The following PHYKPL variants were observed in gnomAD, a reference collection of about 807,000 sequenced individuals.
The protein encoded by PHYKPL is 5-phosphonooxy-L-lysine phospho-lyase.
A neutral mutation model predicts 51.3 loss-of-function variants in PHYKPL; 42 were observed. The observed-to-expected ratio is 0.82, with a 90% CI of 0.64 to 1.06. The LOEUF (loss-of-function observed/expected upper bound fraction) is 1.06, where lower values mean the gene tolerates loss of function less well. PHYKPL is among the 50% of genes least tolerant of loss of function. The pLI, the probability that PHYKPL is intolerant of heterozygous loss-of-function variation, is 0.00. For missense variants in PHYKPL, 655 were observed against 586.6 expected (o/e 1.12, Z -1.20); for synonymous variants, 264 against 236.0 (o/e 1.12, Z -1.09).
chr5:178,227,116 A>G (rs1422530173), intron 3 of PHYKPL, among the ~76,000 whole-genome samples: 4 of 151,992 alleles, frequency 2.6e-5, no homozygotes, highest in African/African-American at 9.7e-5. Context: ...GTAGCTCGCA[A>G]TGGCCCGTAT....
rs771837153 is a variant in PHYKPL at position 178,232,493 on chromosome 5, T to C, written c.58A>G (p.Ser20Gly). ...GCCGCCCGCCCCCCGCCCGGGTACC[T>C]GATGAGCCGTTGCCTCAGGGCCAGC... ...DTLALRQRLI[S>G]SSCRLFFPED... Residue 20 changes from serine to glycine, a missense_variant and splice_region_variant, in exon 1 of 13, where the codon AGC becomes GGC. Physicochemically the swap from Ser to Gly is moderately conservative, Grantham distance 56. Transcript: ENST00000308158. The C allele has an allele frequency of 2.3e-5, 29 of 1,250,692 alleles. No individual in the cohort carries two copies. The highest frequency in any genetic ancestry group is 9.4e-5 in the South Asian group (5 of 53,346). 77.5% of individuals were successfully genotyped at this position (1,250,692 alleles called of 1,614,324 possible).
At chr5:178,220,181 T>TGA (rs1468430918) in intron 8 of PHYKPL, among the ~76,000 whole-genome samples, 1 of 89,716 alleles carries the variant, frequency 1.1e-5, no homozygotes, top group East Asian at 3.0e-4. Context: ...GGTGACAGAG[T>TGA]GAGACCCCGT....
rs766807311 is a variant in PHYKPL, at chr5:178,222,902, A to G, written c.651T>C (p.Ser217=). 5 of 1,614,116 alleles carry G rather than the reference A, an allele frequency of 3.1e-6. No individual in the cohort carries two copies. In the South Asian group the frequency reaches 5.5e-5, roughly 18 times the overall value. ...IAAFFAESLP[S]VGGQIIPPAG... is the part of the protein sequence containing the mutation. ...CAGGGGGAATGATCTGCCCTCCCAC[A>G]CTGGGCAGAGACTCAGCGAAGAAGG... The change falls in exon 7 of 13, where the codon AGT becomes AGC. Residue 217 remains serine, a synonymous_variant. Transcript: ENST00000308158.
intron 6 of PHYKPL, chr5:178,223,842 T>C (rs183904422): frequency 8.2e-5 from 19 of 231,184 alleles, no homozygotes; most frequent in African/African-American, 3.7e-4. Flanking sequence ...ATCTCCACCA[T>C]ACTGCCCCCG....
intron 6 of PHYKPL, 32 bp from the exon 7 acceptor site, chr5:178,222,966 A>G (rs539479048): frequency 1.9e-6 from 3 of 1,609,964 alleles, no homozygotes; most frequent in African/African-American, 2.7e-5. Flanking sequence ...GAACACGACC[A>G]TGGGGTTGTG....
At chr5:178,210,144 G>A in intron 12 of PHYKPL, 5 of 1,614,186 alleles carry the variant, frequency 3.1e-6, no homozygotes, top group Non-Finnish European at 4.2e-6. Flanking sequence ...CAGAGTCAGA[G>A]TTGGAATCAG....
intron 6 of PHYKPL, chr5:178,223,930 C>T (rs1282561935): frequency 5.0e-6 from 1 of 199,040 alleles, no homozygotes; most frequent in Non-Finnish European, 1.0e-5. Context: ...CATTCCAATC[C>T]ATCCTCCACA....
intron 3 of PHYKPL, among the ~76,000 whole-genome samples, chr5:178,227,113 G>T (rs1384170023): frequency 6.6e-6 from 1 of 151,586 alleles, no homozygotes; most frequent in African/African-American, 2.4e-5. Context: ...CCGGTAGCTC[G>T]CAATGGCCCG....
chr5:178,222,533 A>T lies in PHYKPL; in HGVS notation c.749T>A (p.Val250Asp). ...GTGCTTGCCTACCCGGCCAAAGCCAACCTGGATCTCATCTGCAACAAAGAC... is the reference window on the plus strand; with the variant it reads ...GTGCTTGCCTACCCGGCCAAAGCCATCCTGGATCTCATCTGCAACAAAGAC... ...GGVFVADEIQ[V>D]GFGRVGKHFW... The change falls in exon 8 of 13, where the codon GTT becomes GAT. Residue 250 changes from valine (V) to aspartate (D), a missense_variant. Physicochemically the swap from Val to Asp is radical, Grantham distance 152 (BLOSUM62 -3). Transcript: ENST00000308158. 1 of 1,614,258 alleles carries T rather than the reference A, an allele frequency of 6.2e-7. No homozygotes were observed.
chr5:178,232,012 G>A, intron 1 of PHYKPL: 1 of 1,202,938 alleles, frequency 8.3e-7, no homozygotes, highest in South Asian at 1.5e-5. Flanking sequence ...CCGTCCCACC[G>A]AGGGCCCCCT....
chr5:178,219,233 T>C (rs200367727), intron 8 of PHYKPL, among the ~76,000 whole-genome samples: 1 of 149,058 alleles, frequency 6.7e-6, no homozygotes, highest in Non-Finnish European at 1.5e-5. Context: ...ACTTTATAAA[T>C]ATGTAAAGGG....
intron 3 of PHYKPL, chr5:178,225,720 CACT>C: frequency 2.3e-6 from 1 of 439,412 alleles, no homozygotes; most frequent in South Asian, 2.4e-5. Context: ...TCTGCTTTCA[CACT>C]ACAACAATCA....
At chr5:178,230,320 G>A (rs1204455197) in intron 2 of PHYKPL, 3 of 548,256 alleles carry the variant, frequency 5.5e-6, no homozygotes, top group Non-Finnish European at 9.8e-6. Context: ...CGCTTCAGCA[G>A]AAGAACCCTG....
chr5:178,232,345 C>T (rs905422082), intron 1 of PHYKPL, 147 bp downstream of exon 1: 30 of 1,274,004 alleles, frequency 2.4e-5, no homozygotes, highest in Non-Finnish European at 2.8e-5. Flanking sequence ...GAAGCTCCAG[C>T]GGGGCCGGGG....
intron 1 of PHYKPL, 118 bp downstream of exon 1, chr5:178,232,374 G>T: frequency 7.6e-7 from 1 of 1,314,666 alleles, no homozygotes; most frequent in Admixed American, 4.2e-5. Context: ...GGACGGGATG[G>T]GTAGCAGCGG....
intron 8 of PHYKPL, among the ~76,000 whole-genome samples, chr5:178,220,149 C>T (rs7705704): frequency 0.24 from 34,000 of 143,986 alleles, 4,691 homozygotes; most frequent in East Asian, 0.43. Flanking sequence ...GAGCTGAGAT[C>T]GCGTCACTGC....
At chr5:178,220,210 AAAAG>A (rs1478751773) in intron 8 of PHYKPL, among the ~76,000 whole-genome samples, 4 of 148,346 alleles carry the variant, frequency 2.7e-5, no homozygotes, top group African/African-American at 1.0e-4. Context: ...AAAAAAAAAA[AAAAG>A]AATGCCGGAT....
In PHYKPL at chr5:178,224,765, G is replaced by C. The variant is rs372933333; in HGVS notation, c.414-36C>G. 1.4e-5 allele frequency: 21 copies of C among 1,544,004 alleles called. No homozygotes were observed. The South Asian group carries it at 1.5e-4, about 11-fold the overall frequency. On this transcript the variant is annotated intron_variant, in intron 4 of 12. Coordinates refer to ENST00000308158, the MANE Select transcript of PHYKPL (RefSeq NM_153373.4). ...GAAGGGAGGGTAGGCTCGGGTCCGGGCAGCACCTACTCCCTGGCCCAGTCT... is the reference window on the plus strand; with the variant it reads ...GAAGGGAGGGTAGGCTCGGGTCCGGCCAGCACCTACTCCCTGGCCCAGTCT...
At chr5:178,223,169 C>T (rs1426390469) in intron 6 of PHYKPL, among the ~76,000 whole-genome samples, 1 of 152,186 alleles carries the variant, frequency 6.6e-6, no homozygotes, top group Non-Finnish European at 1.5e-5. Context: ...CCCCAAACTA[C>T]ATGCACTGAT....
Sources: gnomAD v4.1 joint callset for allele counts (sites outside exome capture counted in the v4.1 genomes callset) on GRCh38, gnomAD v4.1.1 for gene constraint, MANE v1.5 for transcripts, NCBI Gene and HGNC (gene_info 2026-07-23, HGNC 2026-07-21) for gene names.